UBE4B: variants seen among roughly 807,000 people sequenced by gnomAD.
The protein encoded by UBE4B is ubiquitination factor E4B.
In UBE4B, 27 loss-of-function variants were observed where a neutral mutation model predicts 148.1. The ratio of observed to expected loss-of-function variants is 0.18; its 90% CI spans 0.13 to 0.25. The LOEUF (loss-of-function observed/expected upper bound fraction) is 0.25, where lower values mean the gene tolerates loss of function less well. Ranked by LOEUF, UBE4B falls within the 10% of genes least tolerant of loss-of-function variation. The probability of loss-of-function intolerance (pLI) is 1.00; values close to 1 mark genes in which losing one functional copy is unlikely to be tolerated. For synonymous variants in UBE4B, 596 were observed against 619.3 expected, an observed-to-expected ratio of 0.96 and a Z score of 0.56; for missense variants, 1,170 against 1,662.4, an observed-to-expected ratio of 0.70 and a Z score of 5.15.
At chr1:10,108,718 T>C (rs1004218763) in intron 7 of UBE4B, among the ~76,000 whole-genome samples, 2 of 152,222 alleles carry the variant, frequency 1.3e-5, no homozygotes, top group African/African-American at 4.8e-5. Flanking sequence ...AGGTTGAATA[T>C]TGATTCAGGA....
chr1:10,071,388 C>T (rs960093978), intron 1 of UBE4B, among the ~76,000 whole-genome samples: 27 of 151,986 alleles, frequency 1.8e-4, no homozygotes, highest in African/African-American at 6.5e-4. Flanking sequence ...TTGAGACCAG[C>T]CTGGGCAACA....
chr1:10,150,602 C>CAT (rs1287786571), intron 20 of UBE4B, among the ~76,000 whole-genome samples: 2 of 152,204 alleles, frequency 1.3e-5, no homozygotes, highest in Non-Finnish European at 2.9e-5. Context: ...TGGCTCATGC[C>CAT]TGTAATCCCA....
intron 1 of UBE4B, among the ~76,000 whole-genome samples, chr1:10,049,069 CATAAT>C (rs1009273184): frequency 6.6e-6 from 1 of 152,038 alleles, no homozygotes; most frequent in Non-Finnish European, 1.5e-5. Context: ...AATTTTGAGA[CATAAT>C]ATGGGGAACA....
intron 5 of UBE4B, among the ~76,000 whole-genome samples, chr1:10,104,738 G>A (rs1418508682): frequency 6.6e-6 from 1 of 152,168 alleles, no homozygotes. Flanking sequence ...TCTTACACAT[G>A]TAAGTGGCAA....
intron 21 of UBE4B, among the ~76,000 whole-genome samples, chr1:10,152,207 C>T (rs546877813): frequency 4.0e-5 from 6 of 151,034 alleles, no homozygotes; most frequent in Non-Finnish European, 7.4e-5. Flanking sequence ...TGCAGTGAGC[C>T]GAGATCCCGC....
intron 1 of UBE4B, among the ~76,000 whole-genome samples, chr1:10,044,477 G>A (rs1313630860): frequency 6.6e-6 from 1 of 152,142 alleles, no homozygotes; most frequent in African/African-American, 2.4e-5. Flanking sequence ...GGTGGGAGGG[G>A]AAGGGATGGT....
At chr1:10,107,584 T>G (rs1199171848) in intron 7 of UBE4B, among the ~76,000 whole-genome samples, 1 of 149,892 alleles carries the variant, frequency 6.7e-6, no homozygotes, top group African/African-American at 2.5e-5. Flanking sequence ...TTCTTTTTTT[T>G]TTTTTTTTTT....
At chr1:10,163,593 G>A (rs1431917909) in intron 23 of UBE4B, among the ~76,000 whole-genome samples, 2 of 151,710 alleles carry the variant, frequency 1.3e-5, no homozygotes, top group Non-Finnish European at 2.9e-5. Context: ...GCTTGAACCC[G>A]GGAGGCGGAG....
chr1:10,107,130 G>A, intron 7 of UBE4B: 1 of 1,202,886 alleles, frequency 8.3e-7, no homozygotes, highest in East Asian at 5.7e-5. Flanking sequence ...TTTAGTGTAT[G>A]GTTTATTTAA....
rs554665164 is a variant in UBE4B, at chr1:10,041,495, C to T, written c.24+7801C>T. 2.6e-5 allele frequency among the ~76,000 whole-genome samples: 4 copies of T among 151,938 alleles called. No homozygotes were observed. In the East Asian group the frequency reaches 5.8e-4, roughly 22 times the overall value. ...GATTACAGGCTCCCGCCAGCATGCC[C>T]AGCTAATTTTTGTATTTTTAGTAGA... On this transcript the variant is annotated intron_variant, in intron 1 of 27. Transcript: ENST00000343090.
chr1:10,122,841 G>A (rs910788729), intron 10 of UBE4B, among the ~76,000 whole-genome samples: 1 of 152,150 alleles, frequency 6.6e-6, no homozygotes, highest in Admixed American at 6.5e-5. Context: ...GAGAATAACA[G>A]AGGCAATAGC....
intron 7 of UBE4B, among the ~76,000 whole-genome samples, chr1:10,110,850 G>A (rs1395595271): frequency 6.6e-6 from 1 of 151,966 alleles, no homozygotes. Context: ...AAATCATTCT[G>A]GCTGGGCACA....
chr1:10,090,344 T>G lies in UBE4B; in HGVS notation c.212-5117T>G, dbSNP rs141780625. On this transcript the variant is annotated intron_variant, in intron 2 of 27. Coordinates refer to ENST00000343090, the MANE Select transcript of UBE4B (RefSeq NM_001105562.3). ...TGTGTCACGCAGGCTGGTCTTGAAT[T>G]CCTGGACTGAAGCGATCTACTCCAC... Among the ~76,000 whole-genome samples, 705 of 152,058 alleles carry G rather than the reference T, an allele frequency of 4.6e-3. 3 individuals carry two copies. The highest frequency in any genetic ancestry group is 0.01 in the Middle Eastern group (3 of 294).
chr1:10,106,392 C>T lies in UBE4B; in HGVS notation c.1005C>T (p.Val335=). Residue 335 remains valine (V), a synonymous_variant, in exon 7 of 28, where the codon GTC becomes GTT. Transcript: ENST00000343090. This position sits in a 1 kb window ranked among gnomAD's most constrained non-coding sequence, Gnocchi z 4.2. ...PSSPRYRPYT[V]THPWASSGVS... is the part of the protein sequence containing the mutation. ...CCCCGCGGTATCGCCCCTACACTGT[C>T]ACTCACCCATGGGCGTCCTCAGGCG... The T allele has an allele frequency of 6.2e-7, 1 of 1,613,394 alleles. No homozygotes were observed. The highest frequency in any genetic ancestry group is 8.5e-7 in the Non-Finnish European group (1 of 1,179,524).
chr1:10,136,257 G>C (rs1047521589), intron 16 of UBE4B, among the ~76,000 whole-genome samples: 1 of 151,988 alleles, frequency 6.6e-6, no homozygotes, highest in Non-Finnish European at 1.5e-5. Context: ...AGGAGAGCTT[G>C]AGCCCAGGAG....
chr1:10,111,638 C>T (rs1487794340), intron 7 of UBE4B, among the ~76,000 whole-genome samples: 2 of 152,142 alleles, frequency 1.3e-5, no homozygotes, highest in South Asian at 4.1e-4. Context: ...CCTAAACCTG[C>T]ACAACTCTGA....
At chr1:10,159,925 G>A (rs1646134070) in intron 22 of UBE4B, among the ~76,000 whole-genome samples, 1 of 152,200 alleles carries the variant, frequency 6.6e-6, no homozygotes, top group African/African-American at 2.4e-5. Flanking sequence ...CTGGCACGAG[G>A]CAGGCCCATG....
chr1:10,151,634 G>A (rs1187965840), intron 21 of UBE4B, 73 bp downstream of exon 21: 31 of 1,334,840 alleles, frequency 2.3e-5, no homozygotes, highest in South Asian at 2.0e-4. Context: ...AGTGGACGAC[G>A]TTGCTCTAAG....
rs149010267 is a variant in UBE4B, at chr1:10,130,059, A to G, written c.1696-441A>G. On this transcript the variant is annotated intron_variant, in intron 12 of 27. Coordinates refer to ENST00000343090, the MANE Select transcript of UBE4B (RefSeq NM_001105562.3). The stretch of plus-strand genomic sequence containing the variant: ...GAAGAGTTCATTTGAACTTCATCCA[A>G]TAGTATCCTGAAACTTAAACATTCT... Among the ~76,000 whole-genome samples the G allele has an allele frequency of 3.6e-4, 54 of 151,972 alleles. No individual in the cohort carries two copies. The East Asian group carries it at 9.6e-3, about 27-fold the overall frequency.
Sources: gnomAD v4.1 joint callset for allele counts (sites outside exome capture counted in the v4.1 genomes callset) on GRCh38, gnomAD v4.1.1 for gene constraint, Gnocchi (gnomAD v3.1) non-coding constraint, MANE v1.5 for transcripts, NCBI Gene and HGNC (gene_info 2026-07-23, HGNC 2026-07-21) for gene names.